The following LRBA variants were observed in gnomAD, a reference collection of about 807,000 sequenced individuals.
LRBA encodes the protein LPS responsive beige-like anchor protein.
A neutral mutation model predicts 330.0 loss-of-function variants in LRBA; 176 were observed. The observed-to-expected ratio is 0.53, with a 90% confidence interval of 0.47 to 0.60. The LOEUF (loss-of-function observed/expected upper bound fraction) is 0.60. Ranked by LOEUF, LRBA falls within the 20% of genes least tolerant of loss-of-function variation. The pLI is 0.00. For missense variants in LRBA, 3,259 were observed against 3,444.8 expected (o/e 0.95, Z 1.35); for synonymous variants, 1,230 against 1,193.0 (o/e 1.03, Z -0.64).
At chr4:150,744,352 A>T (rs1732412497) in intron 35 of LRBA, among the ~76,000 whole-genome samples, 1 of 152,204 alleles carries the variant, frequency 6.6e-6, no homozygotes, top group Admixed American at 6.5e-5. Flanking sequence ...CAAACAAGTA[A>T]CCTCAAAGTT....
chr4:150,489,113 C>CATATATAATATATAAGA (rs1758326123), intron 41 of LRBA, among the ~76,000 whole-genome samples: 1 of 40,342 alleles, frequency 2.5e-5, no homozygotes, highest in East Asian at 7.8e-4. Flanking sequence ...TATTATATAT[C>CATATATAATATATAAGA]ATATATAATA....
chr4:150,487,255 T>G (rs1757991218), intron 42 of LRBA, among the ~76,000 whole-genome samples: 2 of 150,920 alleles, frequency 1.3e-5, no homozygotes, highest in Non-Finnish European at 3.0e-5. Flanking sequence ...TATACCATTA[T>G]GATATATATT....
intron 37 of LRBA, among the ~76,000 whole-genome samples, chr4:150,682,053 A>C (rs964296777): frequency 6.6e-6 from 1 of 152,180 alleles, no homozygotes; most frequent in Non-Finnish European, 1.5e-5. Context: ...AACGCTTGAC[A>C]TAAGTTATCT....
At chr4:150,834,018 G>A (rs972081444) in intron 28 of LRBA, among the ~76,000 whole-genome samples, 26 of 152,124 alleles carry the variant, frequency 1.7e-4, no homozygotes, top group South Asian at 4.1e-4. Context: ...CTCTTCATTC[G>A]TTGGAGTATT....
chr4:150,619,747 T>C (rs1320727816), intron 37 of LRBA, among the ~76,000 whole-genome samples: 1 of 152,148 alleles, frequency 6.6e-6, no homozygotes, highest in Non-Finnish European at 1.5e-5. Context: ...CCCAAGCTTC[T>C]AGCACAAGAA....
chr4:150,683,536 A>C lies in LRBA; in HGVS notation c.5921+15T>G, dbSNP rs1334747539. ...ACAGAAAATCAGTGGCCAAATCCTA[A>C]AGGTATCCCTTTACCTCACTGCAGA... is the stretch of plus-strand genomic sequence containing the variant. On this transcript the variant is annotated intron_variant, in intron 37 of 56. Coordinates refer to ENST00000651943, the MANE Select transcript of LRBA (RefSeq NM_001364905.1). 6.2e-7 allele frequency: 1 copy of C among 1,609,472 alleles called. No individual in the cohort carries two copies. Among genetic ancestry groups the C allele is most frequent in the African/African-American group, 1.3e-5 (1 of 74,818 alleles).
chr4:150,701,678 G>A (rs538980919), intron 36 of LRBA, among the ~76,000 whole-genome samples: 2 of 152,280 alleles, frequency 1.3e-5, no homozygotes, highest in Non-Finnish European at 2.9e-5. Context: ...TGCTAGAGAT[G>A]CAGAAATATA....
intron 40 of LRBA, among the ~76,000 whole-genome samples, chr4:150,559,372 C>T (rs1360294570): frequency 6.6e-6 from 1 of 150,778 alleles, no homozygotes; most frequent in South Asian, 2.1e-4. Flanking sequence ...ACCATCCTGG[C>T]CAACATGGTG....
At chr4:150,681,628 A>G (rs928818476) in intron 37 of LRBA, among the ~76,000 whole-genome samples, 1 of 152,176 alleles carries the variant, frequency 6.6e-6, no homozygotes, top group Admixed American at 6.6e-5. Flanking sequence ...AGAGAGGAAA[A>G]TATTAATTTA....
chr4:150,824,279 A>G (rs1266222108), intron 30 of LRBA, among the ~76,000 whole-genome samples: 1 of 152,176 alleles, frequency 6.6e-6, no homozygotes, highest in African/African-American at 2.4e-5. Flanking sequence ...TTTGTCATGC[A>G]ACTGTACTGA....
intron 28 of LRBA, among the ~76,000 whole-genome samples, chr4:150,840,056 T>G (rs775873433): frequency 6.6e-6 from 1 of 152,240 alleles, no homozygotes; most frequent in Admixed American, 6.5e-5. Flanking sequence ...AGCTTCACTT[T>G]TCTTCTGCAG....
chr4:150,306,368 C>T (rs1730358458), intron 52 of LRBA, among the ~76,000 whole-genome samples: 1 of 151,910 alleles, frequency 6.6e-6, no homozygotes, highest in Non-Finnish European at 1.5e-5. Context: ...TATGATTTTC[C>T]CTTGATTCTG....
chr4:150,900,238 A>G, intron 13 of LRBA, 21 bp from the exon 14 acceptor site: 1 of 1,576,952 alleles, frequency 6.3e-7, no homozygotes, highest in Non-Finnish European at 8.7e-7. Context: ...AAAATGAAGA[A>G]CTTAGAGAAC....
At chr4:150,897,688 A>G (rs1292594362) in intron 15 of LRBA, 51 bp downstream of exon 15, 2 of 1,279,204 alleles carry the variant, frequency 1.6e-6, no homozygotes, top group East Asian at 4.7e-5. Context: ...TTCATGTGAA[A>G]TTATAACCTT....
chr4:150,716,113 C>CA (rs201372624), intron 36 of LRBA, among the ~76,000 whole-genome samples: 48 of 148,028 alleles, frequency 3.2e-4, no homozygotes, highest in South Asian at 6.4e-4. Flanking sequence ...TTGATAACAA[C>CA]AAAAAAAAAA....
At chr4:150,928,030 T>C (rs1734068967) in intron 4 of LRBA, among the ~76,000 whole-genome samples, 1 of 152,182 alleles carries the variant, frequency 6.6e-6, no homozygotes, top group South Asian at 2.1e-4. Flanking sequence ...AAGAAACAGT[T>C]TGATAAGGCA....
At chr4:150,489,036 TATATA>T (rs1297214358) in intron 41 of LRBA, among the ~76,000 whole-genome samples, 102 of 117,366 alleles carry the variant, frequency 8.7e-4, no homozygotes, top group African/African-American at 1.6e-3. Flanking sequence ...ATATATATTA[TATATA>T]ATATATTATA....
chr4:151,011,004 G>A (rs1474673456), intron 2 of LRBA, among the ~76,000 whole-genome samples: 3 of 151,892 alleles, frequency 2.0e-5, no homozygotes, highest in African/African-American at 4.8e-5. Context: ...TGGCTGACAC[G>A]GTGAAACCCC....
chr4:150,999,889 G>C (rs535512390), intron 2 of LRBA, among the ~76,000 whole-genome samples: 1 of 152,230 alleles, frequency 6.6e-6, no homozygotes, highest in African/African-American at 2.4e-5. Context: ...AACATAAACA[G>C]TAGTCCCTCT....
Sources: gnomAD v4.1 joint callset for allele counts (sites outside exome capture counted in the v4.1 genomes callset) on GRCh38, gnomAD v4.1.1 for gene constraint, MANE v1.5 for transcripts, NCBI Gene and HGNC (gene_info 2026-07-23, HGNC 2026-07-21) for gene names.